Variants in MAU2 observed in about 807,000 individuals in gnomAD.
MAU2 encodes MAU2 sister chromatid cohesion factor, also known as MAU2 chromatid cohesion factor homolog.
Under a neutral mutation model 89.1 loss-of-function variants are expected in MAU2, and 9 were observed. That is an observed-to-expected ratio of 0.10 (90% CI 0.06 to 0.18). MAU2 has a LOEUF of 0.18. Ranked by LOEUF, MAU2 falls within the 10% of genes least tolerant of loss-of-function variation. The pLI, the probability that MAU2 is intolerant of heterozygous loss-of-function variation, is 1.00. For missense variants in MAU2, 425 were observed against 803.5 expected (o/e 0.53, Z 5.69); for synonymous variants, 357 against 343.4 (o/e 1.04, Z -0.44).
chr19:19,355,070 G>T, intron 17 of MAU2, 194 bp from the exon 18 acceptor site: 3 of 671,490 alleles, frequency 4.5e-6, no homozygotes, highest in Admixed American at 2.9e-5. Flanking sequence ...AGCCAGCCCT[G>T]TTCTGCCCTA....
intron 16 of MAU2, among the ~76,000 whole-genome samples, chr19:19,349,975 ATTTTTT>A (rs34536394): frequency 9.0e-6 from 1 of 111,258 alleles, no homozygotes; most frequent in African/African-American, 3.6e-5. Flanking sequence ...GAGGTCTTGA[ATTTTTT>A]TTTTTTTTTT....
intron 1 of MAU2, among the ~76,000 whole-genome samples, chr19:19,323,621 C>T (rs1015572783): frequency 6.6e-6 from 1 of 152,162 alleles, no homozygotes; most frequent in Admixed American, 6.6e-5. Flanking sequence ...GTCCTCCCAT[C>T]TCAGCCTCCT....
At chr19:19,335,615 C>A in intron 1 of MAU2, 103 bp from the exon 2 acceptor site, 1 of 1,164,588 alleles carries the variant, frequency 8.6e-7, no homozygotes, top group Non-Finnish European at 1.3e-6. Flanking sequence ...GGATACCTGG[C>A]AGCCTCTGTT....
At chr19:19,344,123 C>T (rs1273115627) in intron 10 of MAU2, 183 bp downstream of exon 10, 1 of 592,592 alleles carries the variant, frequency 1.7e-6, no homozygotes, top group African/African-American at 1.9e-5. Flanking sequence ...ATACAAAAAC[C>T]AGTGGAGGCC....
At chr19:19,321,417 C>T in intron 1 of MAU2, 2 of 391,096 alleles carry the variant, frequency 5.1e-6, no homozygotes, top group Non-Finnish European at 9.2e-6. Flanking sequence ...TTGGGAGCAA[C>T]AGGATCCGCA....
chr19:19,348,837 C>T, intron 13 of MAU2, 52 bp from the exon 14 acceptor site: 1 of 1,593,110 alleles, frequency 6.3e-7, no homozygotes, highest in Non-Finnish European at 8.6e-7. Flanking sequence ...GTCTTGGGGA[C>T]CTTTCTCCTG....
Position 19,332,961 on chromosome 19 carries a change from C to T in MAU2, c.277-2757C>T, listed in dbSNP as rs537705151. Among the ~76,000 whole-genome samples, 6 of 152,214 alleles carry T rather than the reference C, an allele frequency of 3.9e-5. No individual in the cohort carries two copies. The East Asian group carries it at 1.2e-3, about 29-fold the overall frequency. On this transcript the variant is annotated intron_variant, in intron 1 of 18. Transcript: ENST00000262815. ...GCATGGTGGCGCATGCCTGTAATCC[C>T]AGCTACTTGGGAGGCTGAGGCAGGA...
intron 1 of MAU2, among the ~76,000 whole-genome samples, chr19:19,327,644 G>T (rs1471153088): frequency 6.6e-6 from 1 of 151,910 alleles, no homozygotes; most frequent in Non-Finnish European, 1.5e-5. Flanking sequence ...ATTAGAGATG[G>T]GGTTTCACTA....
At chr19:19,334,123 A>G in intron 1 of MAU2, 1 of 978,298 alleles carries the variant, frequency 1.0e-6, no homozygotes, top group Non-Finnish European at 1.2e-6. Context: ...AAAAGCCCCC[A>G]ACTTCTGCTC....
chr19:19,339,455 A>AG (rs960950322), intron 5 of MAU2, among the ~76,000 whole-genome samples: 1 of 151,984 alleles, frequency 6.6e-6, no homozygotes, highest in African/African-American at 2.4e-5. Context: ...CAAAAAAAAA[A>AG]AAATTAGTCA....
At chr19:19,342,120 C>G (rs2061653596) in intron 7 of MAU2, among the ~76,000 whole-genome samples, 1 of 152,182 alleles carries the variant, frequency 6.6e-6, no homozygotes, top group South Asian at 2.1e-4. Context: ...CAGAGACATC[C>G]CTCGGGGCCT....
chr19:19,344,137 C>T (rs1203118640), intron 10 of MAU2, 197 bp downstream of exon 10: 21 of 570,282 alleles, frequency 3.7e-5, no homozygotes, highest in South Asian at 1.2e-4. Context: ...GGAGGCCGGG[C>T]GCAGTGGCTC....
intron 10 of MAU2, 107 bp from the exon 11 acceptor site, chr19:19,344,742 C>T: frequency 3.4e-6 from 3 of 874,580 alleles, no homozygotes; most frequent in Non-Finnish European, 5.6e-6. Context: ...CCAGTTTGGT[C>T]AGACAGGACA....
At chr19:19,322,296 C>T (rs7246748) in intron 1 of MAU2, among the ~76,000 whole-genome samples, 87,471 of 152,010 alleles carry the variant, frequency 0.58, 26,596 homozygotes, top group East Asian at 0.68. Context: ...CCGCGCCCGG[C>T]CCCTTTAATA....
intron 7 of MAU2, among the ~76,000 whole-genome samples, chr19:19,341,785 G>T (rs1379148247): frequency 6.6e-6 from 1 of 152,214 alleles, no homozygotes; most frequent in East Asian, 1.9e-4. Flanking sequence ...GCCCCCGGCT[G>T]TGGGGTTGAG....
At chr19:19,324,135 G>A (rs1208142503) in intron 1 of MAU2, among the ~76,000 whole-genome samples, 1 of 152,204 alleles carries the variant, frequency 6.6e-6, no homozygotes, top group African/African-American at 2.4e-5. Context: ...TAAGAGGTTA[G>A]GCAGTGATGG....
intron 4 of MAU2, 118 bp downstream of exon 4, chr19:19,337,383 C>T (rs2061606121): frequency 3.9e-6 from 3 of 766,448 alleles, no homozygotes; most frequent in South Asian, 1.5e-5. Context: ...CGGGCTGGCA[C>T]ATGGAGTAGG....
intron 16 of MAU2, chr19:19,352,863 G>A (rs554137755): frequency 2.0e-5 from 3 of 152,364 alleles, no homozygotes; most frequent in East Asian, 1.9e-4. Context: ...CTCAGACCAA[G>A]GTCCTGGCCT....
chr19:19,349,271 A>G (rs769055524), intron 15 of MAU2, 39 bp downstream of exon 15: 1 of 1,613,840 alleles, frequency 6.2e-7, no homozygotes, highest in Non-Finnish European at 8.5e-7. Context: ...GGCCATGCTC[A>G]GGGTAGCCCA....
Sources: allele counts gnomAD v4.1 joint callset (sites outside exome capture counted in the v4.1 genomes callset), GRCh38; gene constraint gnomAD v4.1.1; transcripts MANE v1.5; gene names NCBI Gene and HGNC (gene_info 2026-07-23, HGNC 2026-07-21).